The following AMMECR1 variants were observed in gnomAD, a reference collection of about 807,000 sequenced individuals.
AMMECR1 encodes AMMECR nuclear protein 1.
A neutral mutation model predicts 22.5 loss-of-function variants in AMMECR1; 3 were observed. The observed-to-expected ratio is 0.13, with a 90% CI of 0.06 to 0.35. AMMECR1 has a LOEUF of 0.35. Ranked by LOEUF, AMMECR1 falls within the 10% of genes least tolerant of loss-of-function variation. AMMECR1 has a pLI of 1.00. For synonymous variants in AMMECR1, 130 were observed against 116.7 expected (o/e 1.11, Z -0.74); for missense variants, 235 against 278.7 (o/e 0.84, Z 1.12).
intron 1 of AMMECR1, among the ~76,000 whole-genome samples, chrX:110,308,141 T>C (rs2148222264): frequency 9.0e-6 from 1 of 111,476 alleles, no homozygotes; most frequent in Non-Finnish European, 1.9e-5. Context: ...CCTCTCAAAG[T>C]GTTGGGATTA....
chrX:110,334,881 C>G (rs921744278), intron 2 of AMMECR1, among the ~76,000 whole-genome samples: 2 of 111,383 alleles, frequency 1.8e-5, no homozygotes, highest in Non-Finnish European at 3.8e-5. Flanking sequence ...TTGGGCAAAC[C>G]TTATAACCTG....
intron 2 of AMMECR1, among the ~76,000 whole-genome samples, chrX:110,261,899 T>C (rs1456409369): frequency 9.0e-6 from 1 of 111,377 alleles, no homozygotes; most frequent in East Asian, 2.8e-4. Context: ...ACTTAATAGA[T>C]GTGTGAGTGG....
chrX:110,227,860 T>C (rs1218319042), intron 2 of AMMECR1, among the ~76,000 whole-genome samples: 1 of 111,934 alleles, frequency 8.9e-6, no homozygotes, highest in Non-Finnish European at 1.9e-5. Flanking sequence ...GTGGAGTGGA[T>C]GGGTGATAGT....
intron 1 of AMMECR1, among the ~76,000 whole-genome samples, chrX:110,439,273 G>T (rs999045175): frequency 2.7e-5 from 3 of 112,053 alleles, no homozygotes; most frequent in Non-Finnish European, 3.8e-5. Flanking sequence ...TTCCTGGGGA[G>T]CCCTTAGTTA....
At chrX:110,426,798 A>G (rs2068757779) in exon 2 of AMMECR1, 1 of 111,900 alleles carries the variant, frequency 8.9e-6, no homozygotes, top group Non-Finnish European at 1.9e-5. Flanking sequence ...GTGAGGACTC[A>G]TGGTGCTGAA....
At chrX:110,433,148 G>A (rs2068810984) in intron 1 of AMMECR1, among the ~76,000 whole-genome samples, 1 of 112,451 alleles carries the variant, frequency 8.9e-6, no homozygotes, top group African/African-American at 3.2e-5. Context: ...TGCTGAAAAC[G>A]CTGAGAGTGC....
intron 2 of AMMECR1, among the ~76,000 whole-genome samples, chrX:110,329,862 G>A (rs755210868): frequency 8.9e-6 from 1 of 111,964 alleles, no homozygotes; most frequent in Non-Finnish European, 1.9e-5. Flanking sequence ...TGTTTAAGGT[G>A]TATATGAAAC....
intron 2 of AMMECR1, among the ~76,000 whole-genome samples, chrX:110,232,107 C>T (rs1055100970): frequency 3.6e-5 from 4 of 110,746 alleles, no homozygotes; most frequent in African/African-American, 6.6e-5. Flanking sequence ...GACAGATCAA[C>T]GAGACAGAAG....
At chrX:110,354,762 T>C (rs1403760030) in intron 2 of AMMECR1, among the ~76,000 whole-genome samples, 1 of 112,165 alleles carries the variant, frequency 8.9e-6, no homozygotes, top group Non-Finnish European at 1.9e-5. Flanking sequence ...GGACAGTCTT[T>C]TCAATAAATG....
chrX:110,378,487 A>G (rs762024467), intron 2 of AMMECR1, among the ~76,000 whole-genome samples: 3 of 112,077 alleles, frequency 2.7e-5, no homozygotes, highest in Non-Finnish European at 5.6e-5. Context: ...CTTTTGCCTA[A>G]TGAGTAACGT....
rs567702996 is a variant in AMMECR1 at position 110,284,241 on chromosome X, G to C, written c.474-19642C>G. ...AAGTCATGGTAGGACAGAACCAGAG[G>C]GGGGAAAAAAAGAGTAAGGCATCAA... On this transcript the variant is annotated intron_variant, in intron 1 of 5. Coordinates refer to ENST00000262844, the MANE Select transcript of AMMECR1 (RefSeq NM_015365.3). Among the ~76,000 whole-genome samples the C allele has an allele frequency of 3.6e-5, 4 of 112,202 alleles. No individual in the cohort carries two copies. The South Asian group carries it at 1.5e-3, about 41-fold the overall frequency.
At chrX:110,346,925 C>T in intron 2 of AMMECR1, 1 of 548,578 alleles carries the variant, frequency 1.8e-6, no homozygotes. Flanking sequence ...ACGCGGGGGC[C>T]GGGCCGATTC....
intron 2 of AMMECR1, among the ~76,000 whole-genome samples, chrX:110,252,353 C>G (rs1259836685): frequency 1.8e-5 from 2 of 111,101 alleles, no homozygotes; most frequent in Admixed American, 9.6e-5. Context: ...GAAGCAGAGG[C>G]TGGAGGATTG....
At chrX:110,350,752 A>G (rs2068208049) in intron 2 of AMMECR1, among the ~76,000 whole-genome samples, 1 of 110,502 alleles carries the variant, frequency 9.0e-6, no homozygotes, top group Non-Finnish European at 1.9e-5. Flanking sequence ...GGGTTGCTTG[A>G]GCCCAGGAGT....
chrX:110,392,979 G>T (rs1490271841), intron 2 of AMMECR1, among the ~76,000 whole-genome samples: 1 of 111,904 alleles, frequency 8.9e-6, no homozygotes, highest in African/African-American at 3.3e-5. Flanking sequence ...AGATGCAAGG[G>T]CCTGGGCTTT....
chrX:110,196,921 GAATA>G lies in AMMECR1; in HGVS notation c.*1595_*1598del, dbSNP rs2067373470. The G allele has an allele frequency of 8.9e-6, 1 of 111,967 alleles. No homozygotes were observed. The highest frequency in any genetic ancestry group is 3.2e-5 in the African/African-American group (1 of 30,862). The allele number at this position is 111,967 out of a possible 1,213,427, so 9.2% of individuals were successfully genotyped here. Reference sequence around the variant, plus strand: ...ATTCAGTGACTTTTTTGTAGTTTTAGAATATATATTCTGCAGCATACTTTAATTC... The same window carrying G: ...ATTCAGTGACTTTTTTGTAGTTTTAGTATATTCTGCAGCATACTTTAATTC... On this transcript the variant is annotated 3_prime_UTR_variant, in exon 6 of 6. Transcript: ENST00000262844.
intron 2 of AMMECR1, among the ~76,000 whole-genome samples, chrX:110,344,748 T>C (rs1411813428): frequency 9.0e-6 from 1 of 111,559 alleles, no homozygotes; most frequent in Non-Finnish European, 1.9e-5. Flanking sequence ...GAAAAAATGC[T>C]CATCATCACT....
At chrX:110,418,059 G>A (rs2068690363) in intron 2 of AMMECR1, among the ~76,000 whole-genome samples, 1 of 112,484 alleles carries the variant, frequency 8.9e-6, no homozygotes, top group Non-Finnish European at 1.9e-5. Flanking sequence ...TGGTAGAGTT[G>A]GGAGAGAGGG....
chrX:110,395,564 A>C (rs12389753), intron 2 of AMMECR1, among the ~76,000 whole-genome samples: 1,375 of 112,792 alleles, frequency 0.012, 10 homozygotes, highest in African/African-American at 0.024. Flanking sequence ...ACTTGCTCAA[A>C]GTCACATTGA....
Sources: gnomAD v4.1 joint callset for allele counts (sites outside exome capture counted in the v4.1 genomes callset) on GRCh38, gnomAD v4.1.1 for gene constraint, MANE v1.5 for transcripts, NCBI Gene and HGNC (gene_info 2026-07-23, HGNC 2026-07-21) for gene names.